Variants in SLC9B1 observed in about 807,000 individuals in gnomAD.
The protein encoded by SLC9B1 is solute carrier family 9 member B1.
Under a neutral mutation model 51.7 loss-of-function variants are expected in SLC9B1, and 32 were observed. The ratio of observed to expected loss-of-function variants is 0.62; its 90% confidence interval spans 0.47 to 0.83. SLC9B1 has a LOEUF of 0.83. Among genes scored for constraint, SLC9B1 ranks in the 40% least tolerant of loss-of-function variants. The pLI, the probability that SLC9B1 is intolerant of heterozygous loss-of-function variation, is 0.00. For synonymous variants in SLC9B1, 145 were observed against 212.7 expected (o/e 0.68, Z 2.77); for missense variants, 406 against 613.2 (o/e 0.66, Z 3.57).
chr4:103,018,233 A>G (rs1741502770), intron 1 of SLC9B1, among the ~76,000 whole-genome samples: 1 of 152,142 alleles, frequency 6.6e-6, no homozygotes, highest in African/African-American at 2.4e-5. Flanking sequence ...GCACCCACCT[A>G]TTTCCTTGTG....
intron 1 of SLC9B1, among the ~76,000 whole-genome samples, chr4:103,001,541 A>G (rs891043738): frequency 6.6e-6 from 1 of 152,200 alleles, no homozygotes; most frequent in African/African-American, 2.4e-5. Context: ...TCTCTTTGCT[A>G]AAGCACAGAA....
chr4:102,941,389 A>G (rs1446748869), intron 6 of SLC9B1: 2 of 446,064 alleles, frequency 4.5e-6, no homozygotes, highest in South Asian at 1.6e-5. Flanking sequence ...AAGTATATGG[A>G]AAAATATTCA....
chr4:102,975,656 C>T (rs1406884869), intron 3 of SLC9B1, among the ~76,000 whole-genome samples: 2 of 137,890 alleles, frequency 1.5e-5, no homozygotes, highest in Non-Finnish European at 3.0e-5. Context: ...CAACCTCCGC[C>T]TCCTGGGGAT....
At chr4:102,969,065 A>G (rs1315429733) in intron 3 of SLC9B1, among the ~76,000 whole-genome samples, 1 of 152,220 alleles carries the variant, frequency 6.6e-6, no homozygotes. Context: ...CTGCAGCTCA[A>G]CGAGGCCTGG....
intron 6 of SLC9B1, among the ~76,000 whole-genome samples, chr4:102,938,336 T>A (rs1457442087): frequency 3.9e-5 from 6 of 152,222 alleles, no homozygotes; most frequent in Non-Finnish European, 8.8e-5. Context: ...GTCTAAAAGA[T>A]AAATGTGCTC....
rs555294634 is a variant in SLC9B1 at position 102,951,563 on chromosome 4, G to GA, written c.212-2137dup. Among the ~76,000 whole-genome samples, 4 of 151,324 alleles carry GA rather than the reference G, an allele frequency of 2.6e-5. No homozygotes were observed. In the South Asian group the frequency reaches 8.3e-4, roughly 31 times the overall value. ...GTAAAATAATTAAATAGAACATCTA[G>GA]AAAAAACTGTAAAATTTACTCAACT... On this transcript the variant is annotated intron_variant, in intron 3 of 11. Coordinates refer to ENST00000296422, the MANE Select transcript of SLC9B1 (RefSeq NM_139173.4).
intron 3 of SLC9B1, among the ~76,000 whole-genome samples, chr4:102,961,158 T>C (rs1738095283): frequency 6.6e-6 from 1 of 152,248 alleles, no homozygotes; most frequent in Non-Finnish European, 1.5e-5. Context: ...ATTCAGTTCA[T>C]TGTGCTATAT....
intron 7 of SLC9B1, among the ~76,000 whole-genome samples, chr4:102,917,595 A>G (rs1735646535): frequency 6.6e-6 from 1 of 152,098 alleles, no homozygotes; most frequent in South Asian, 2.1e-4. Flanking sequence ...AAAAATGGAA[A>G]CACAACATTC....
chr4:103,015,422 G>C (rs1367965820), intron 1 of SLC9B1, among the ~76,000 whole-genome samples: 1 of 152,050 alleles, frequency 6.6e-6, no homozygotes, highest in Admixed American at 6.6e-5. Flanking sequence ...AGATATCTGG[G>C]CTCAAATACT....
At chr4:102,932,650 GAGAC>G (rs1487915534) in intron 6 of SLC9B1, among the ~76,000 whole-genome samples, 5 of 152,304 alleles carry the variant, frequency 3.3e-5, no homozygotes, top group African/African-American at 1.2e-4. Context: ...AGTAAGATAA[GAGAC>G]AGACAATTTA....
At chr4:102,894,642 G>A (rs1578324901) in intron 11 of SLC9B1, among the ~76,000 whole-genome samples, 1 of 152,114 alleles carries the variant, frequency 6.6e-6, no homozygotes, top group East Asian at 1.9e-4. Flanking sequence ...CTATAAAAAT[G>A]TTACCAAAAG....
chr4:102,973,771 T>C (rs1738884746), intron 3 of SLC9B1, among the ~76,000 whole-genome samples: 1 of 152,132 alleles, frequency 6.6e-6, no homozygotes, highest in Non-Finnish European at 1.5e-5. Flanking sequence ...AATTTTTCAG[T>C]CAAAGAAGAC....
intron 3 of SLC9B1, among the ~76,000 whole-genome samples, chr4:102,978,174 T>C (rs1274664185): frequency 1.3e-5 from 2 of 152,228 alleles, no homozygotes; most frequent in Admixed American, 6.5e-5. Flanking sequence ...TTCCATGGTG[T>C]ATATGTGCCA....
At chr4:102,923,068 A>T (rs909711329) in intron 7 of SLC9B1, among the ~76,000 whole-genome samples, 1 of 152,212 alleles carries the variant, frequency 6.6e-6, no homozygotes, top group African/African-American at 2.4e-5. Flanking sequence ...TGAGGCCAAC[A>T]TCATCCTGAT....
intron 3 of SLC9B1, among the ~76,000 whole-genome samples, chr4:102,987,210 T>C (rs190755196): frequency 9.2e-5 from 14 of 152,236 alleles, no homozygotes; most frequent in Admixed American, 9.2e-4. Context: ...TTTCTGGTTT[T>C]TTTCACTCCC....
At position 102,989,817 on chromosome 4, in the gene SLC9B1, T is replaced by G; in HGVS notation, c.194A>C (p.Asn65Thr). The G allele has an allele frequency of 6.3e-7, 1 of 1,585,180 alleles. No individual in the cohort carries two copies. The highest frequency in any genetic ancestry group is 8.6e-7 in the Non-Finnish European group (1 of 1,164,030). The change falls in exon 3 of 12, where the codon AAT becomes ACT. Residue 65 changes from asparagine to threonine, a missense_variant. Asn to Thr is a moderately conservative substitution (Grantham distance 65, BLOSUM62 0). Around this residue, in one of 6 missense-constraint regions of SLC9B1, gnomAD observed 108 missense variants for 94.5 expected, o/e 1.14. Coordinates refer to ENST00000296422, the MANE Select transcript of SLC9B1 (RefSeq NM_139173.4). ...TCACATACCATTTGTAATAATTACA[T>G]TCAATACTCCTCTTAGAGGACAAGA... The part of the protein sequence containing the change: ...YISCPLRGVL[N>T]VIITNGVILF...
At chr4:102,925,106 G>A (rs1736089689) in intron 7 of SLC9B1, among the ~76,000 whole-genome samples, 4 of 152,084 alleles carry the variant, frequency 2.6e-5, no homozygotes, top group Non-Finnish European at 4.4e-5. Context: ...ACATGCACAC[G>A]TATGTTTATT....
chr4:102,921,193 T>G (rs1735856860), intron 7 of SLC9B1, among the ~76,000 whole-genome samples: 1 of 152,170 alleles, frequency 6.6e-6, no homozygotes. Context: ...GGGAAGCCCA[T>G]CAGACTAACA....
intron 1 of SLC9B1, among the ~76,000 whole-genome samples, chr4:102,997,236 C>G (rs1157703121): frequency 6.6e-6 from 1 of 152,100 alleles, no homozygotes; most frequent in East Asian, 1.9e-4. Flanking sequence ...GGAATTTTGA[C>G]TGAAGTTACA....
Sources: allele counts gnomAD v4.1 joint callset (sites outside exome capture counted in the v4.1 genomes callset), GRCh38; gene constraint gnomAD v4.1.1; regional missense constraint gnomAD v4.1.1; transcripts MANE v1.5; gene names NCBI Gene and HGNC (gene_info 2026-07-23, HGNC 2026-07-21).